Variants in BTN2A1 observed in about 807,000 individuals in gnomAD.
BTN2A1 encodes the protein butyrophilin, subfamily 2, member A1.
Under a neutral mutation model 34.5 loss-of-function variants are expected in BTN2A1, and 41 were observed. That is an observed-to-expected ratio of 1.19 (90% CI 0.93 to 1.54). The LOEUF is 1.54. Among genes scored for constraint, BTN2A1 ranks in the 40% most tolerant of loss-of-function variants. The probability of loss-of-function intolerance (pLI) is 0.00; values close to 1 mark genes in which losing one functional copy is unlikely to be tolerated. For synonymous variants in BTN2A1, 267 were observed against 258.6 expected (o/e 1.03, Z -0.31); for missense variants, 642 against 662.0 (o/e 0.97, Z 0.33).
intron 2 of BTN2A1, 42 bp downstream of exon 2, chr6:26,458,760 G>A: frequency 6.2e-7 from 1 of 1,603,060 alleles, no homozygotes; most frequent in Non-Finnish European, 8.5e-7. Context: ...TATCAGAAAG[G>A]AACATCAACC....
chr6:26,476,048 T>C (rs1763532444), intron 7 of BTN2A1: 3 of 1,227,578 alleles, frequency 2.4e-6, no homozygotes, highest in Non-Finnish European at 3.5e-6. Context: ...TTTAGTGTAG[T>C]GATTTCAAAC....
exon 8 of BTN2A1, chr6:26,476,448 G>T: frequency 3.1e-6 from 2 of 643,186 alleles, no homozygotes; most frequent in Non-Finnish European, 5.9e-6. Context: ...GCCCAAGCTG[G>T]TTTCAGATAG....
chr6:26,473,398 T>C (rs566174793), downstream of BTN2A1, among the ~76,000 whole-genome samples: 1 of 152,216 alleles, frequency 6.6e-6, no homozygotes, highest in African/African-American at 2.4e-5. Flanking sequence ...CAAAATAATT[T>C]TGTGAAAAAT....
intron 7 of BTN2A1, among the ~76,000 whole-genome samples, chr6:26,474,679 G>C (rs1353116778): frequency 6.6e-6 from 1 of 152,008 alleles, no homozygotes; most frequent in Non-Finnish European, 1.5e-5. Flanking sequence ...TTTGGCTGAA[G>C]AGGGACAACC....
Position 26,469,031 on chromosome 6 carries a change from C to G in BTN2A1, c.*482C>G, listed in dbSNP as rs1581677750. 1 of 1,176,202 alleles carries G rather than the reference C, an allele frequency of 8.5e-7. No homozygotes were observed. The allele number at this position is 1,176,202 out of a possible 1,614,324, so 72.9% of individuals were successfully genotyped here. On this transcript the variant is annotated 3_prime_UTR_variant, in exon 8 of 8. Coordinates refer to ENST00000312541, the MANE Select transcript of BTN2A1 (RefSeq NM_007049.5). The stretch of plus-strand genomic sequence containing the variant: ...AGATAGAGGAAGTGGAACCAGAGAG[C>G]TGGGAGGGACCAAGGTTGTAAGGGT...
chr6:26,460,296 A>T (rs1561869216), intron 3 of BTN2A1, among the ~76,000 whole-genome samples: 1 of 152,206 alleles, frequency 6.6e-6, no homozygotes, highest in Non-Finnish European at 1.5e-5. Flanking sequence ...AACTGGAATA[A>T]ACTGATTACC....
chr6:26,465,103 C>T (rs1763272204), intron 4 of BTN2A1, 82 bp from the exon 5 acceptor site: 6 of 1,160,064 alleles, frequency 5.2e-6, no homozygotes, highest in Non-Finnish European at 7.6e-6. Flanking sequence ...GGCTGAGGAG[C>T]TCTTCAAGTG....
intron 3 of BTN2A1, chr6:26,462,774 C>A: frequency 7.8e-7 from 1 of 1,278,220 alleles, no homozygotes; most frequent in Non-Finnish European, 1.0e-6. Flanking sequence ...GGCAGACTTT[C>A]GTCCTTCTCG....
At chr6:26,476,391 A>G in exon 8 of BTN2A1, 2 of 728,546 alleles carry the variant, frequency 2.7e-6, no homozygotes. Flanking sequence ...AGTTTTCCCA[A>G]ACTCCGGCTT....
Position 26,465,361 on chromosome 6 carries a change from CT to C in BTN2A1, c.890del (p.Leu297ArgfsTer14). The C allele has an allele frequency of 6.2e-7, 1 of 1,613,972 alleles. No individual in the cohort carries two copies. The highest frequency in any genetic ancestry group is 8.5e-7 in the Non-Finnish European group (1 of 1,179,978). On this transcript the variant is annotated frameshift_variant, in exon 5 of 8. Transcript: ENST00000312541. LOFTEE classifies it high-confidence loss of function. ...RETREIALKE[L>X]EKERVQKEEE... ...AACAAGAGAAATTGCTCTAAAGGAACTGGAGAAAGAACGTGTGCAAAAAGAG... is the reference window on the plus strand; with the variant it reads ...AACAAGAGAAATTGCTCTAAAGGAACGGAGAAAGAACGTGTGCAAAAAGAG...
chr6:26,470,351 C>T (rs1236714430), downstream of BTN2A1, among the ~76,000 whole-genome samples: 1 of 151,898 alleles, frequency 6.6e-6, no homozygotes, highest in Non-Finnish European at 1.5e-5. Context: ...CCGTCTCAAA[C>T]AAAGAGGGGG....
rs1427297573 is a variant in BTN2A1, at chr6:26,461,368, G to T, written c.430+1540G>T. Among the ~76,000 whole-genome samples, 13 of 152,286 alleles carry T rather than the reference G, an allele frequency of 8.5e-5. No individual in the cohort carries two copies. In the East Asian group the frequency reaches 2.3e-3, roughly 27 times the overall value. ...CCCTTAAATCTATTTTGTCATGCTT[G>T]CCTGTATTGAACCTCATAGAATGTT... is the stretch of plus-strand genomic sequence containing the variant. On this transcript the variant is annotated intron_variant, in intron 3 of 7. Transcript: ENST00000312541.
At position 26,459,672 on chromosome 6, in the gene BTN2A1, T is replaced by A. The variant is rs776518042; in HGVS notation, c.274T>A (p.Tyr92Asn). 3 of 1,613,846 alleles carry A rather than the reference T, an allele frequency of 1.9e-6. No homozygotes were observed. The highest frequency in any genetic ancestry group is 1.3e-5 in the African/African-American group (1 of 74,912). ...RERTEEQMEE[Y>N]RGRTTFVSKD... ...GAGAACAGAGGAGCAGATGGAGGAG[T>A]ACCGAGGAAGAACCACCTTTGTGAG... The change falls in exon 3 of 8, where the codon TAC becomes AAC. Residue 92 changes from tyrosine (Y) to asparagine (N), a missense_variant. Transcript: ENST00000312541.
At chr6:26,467,706 C>A (rs1763352289) in intron 7 of BTN2A1, 4 of 1,585,942 alleles carry the variant, frequency 2.5e-6, no homozygotes, top group South Asian at 2.3e-5. Flanking sequence ...GCTAAACTTT[C>A]CGGATTTCTT....
intron 4 of BTN2A1, among the ~76,000 whole-genome samples, chr6:26,463,924 C>T (rs761062833): frequency 9.9e-5 from 15 of 152,064 alleles, no homozygotes; most frequent in South Asian, 2.1e-4. Flanking sequence ...ACCTCAGCCT[C>T]CCGAAGGCTA....
In BTN2A1 at chr6:26,469,479, C is replaced by A; in HGVS notation, c.*930C>A. 1 of 305,216 alleles carries A rather than the reference C, an allele frequency of 3.3e-6. No homozygotes were observed. Among genetic ancestry groups the A allele is most frequent in the Non-Finnish European group, 4.8e-6 (1 of 208,228 alleles). The allele number at this position is 305,216 out of a possible 1,614,324, so 18.9% of individuals were successfully genotyped here. A position where few individuals can be genotyped will look rare whatever the true frequency, so the allele number is the denominator to read the frequency against. ...AACTAAGAAATGTTTTAATTTATTACCTTTACAACATTTATTTACATTACA... is the reference window on the plus strand; with the variant it reads ...AACTAAGAAATGTTTTAATTTATTAACTTTACAACATTTATTTACATTACA... On this transcript the variant is annotated 3_prime_UTR_variant, in exon 8 of 8. Transcript: ENST00000312541.
In BTN2A1 at chr6:26,468,557, T is replaced by C. The variant is rs573342964; in HGVS notation, c.*8T>C. 2.5e-6 allele frequency: 4 copies of C among 1,613,910 alleles called. No individual in the cohort carries two copies. The African/African-American group carries it at 5.3e-5, about 22-fold the overall frequency. Reference sequence around the variant, plus strand: ...ACCCACCAGAGCCTATAGAATCAATTCCTTGGTCTCACAGCCATGTAGACA... The same window carrying C: ...ACCCACCAGAGCCTATAGAATCAATCCCTTGGTCTCACAGCCATGTAGACA... On this transcript the variant is annotated 3_prime_UTR_variant, in exon 8 of 8. Coordinates refer to ENST00000312541, the MANE Select transcript of BTN2A1 (RefSeq NM_007049.5).
downstream of BTN2A1, among the ~76,000 whole-genome samples, chr6:26,470,056 C>A (rs1027502993): frequency 6.6e-6 from 1 of 152,048 alleles, no homozygotes; most frequent in Non-Finnish European, 1.5e-5. Context: ...CCTCAAAAAA[C>A]CAAAACACAG....
intron 3 of BTN2A1, among the ~76,000 whole-genome samples, chr6:26,460,887 G>A (rs1278933106): frequency 6.6e-6 from 1 of 152,162 alleles, no homozygotes; most frequent in Non-Finnish European, 1.5e-5. Context: ...TCCAGCCTGG[G>A]CGACAGAGCA....
Sources: allele counts gnomAD v4.1 joint callset (sites outside exome capture counted in the v4.1 genomes callset), GRCh38; gene constraint gnomAD v4.1.1; transcripts MANE v1.5; gene names NCBI Gene and HGNC (gene_info 2026-07-23, HGNC 2026-07-21).